The following HSPG2 variants were observed in gnomAD, a reference collection of about 807,000 sequenced individuals.
HSPG2 encodes heparan sulfate proteoglycan 2.
HSPG2 carries 278 observed loss-of-function variants against 526.6 expected under a neutral mutation model. That is an observed-to-expected ratio of 0.53 (90% CI 0.48 to 0.58). HSPG2 has a LOEUF of 0.58. Ranked by LOEUF, HSPG2 falls within the 20% of genes least tolerant of loss-of-function variation. The pLI, the probability that HSPG2 is intolerant of heterozygous loss-of-function variation, is 0.00. For synonymous variants in HSPG2, 2,465 were observed against 2,555.4 expected (o/e 0.96, Z 1.07); for missense variants, 5,354 against 6,099.5 (o/e 0.88, Z 4.07).
chr1:21,933,763 C>T (rs940118842), intron 1 of HSPG2, among the ~76,000 whole-genome samples: 1 of 152,258 alleles, frequency 6.6e-6, no homozygotes, highest in African/African-American at 2.4e-5. Flanking sequence ...CTCCTTCCCT[C>T]CGGGAATGTC....
At chr1:21,915,180 C>T (rs552614675) in intron 1 of HSPG2, among the ~76,000 whole-genome samples, 8 of 125,632 alleles carry the variant, frequency 6.4e-5, no homozygotes, top group Admixed American at 1.7e-4. Context: ...CTGATACGGG[C>T]GCGTTAGAGC....
Position 21,887,163 on chromosome 1 carries a change from C to CGGGGCAGGAGTGG in HSPG2, c.1078+51_1078+52insCCACTCCTGCCCC. ...GCAGGAGTGGAAGGCGGGGCAGGAG[C>CGGGGCAGGAGTGG]AAGCGGCCTGGGCAGGGCAAGGGGG... On this transcript the variant is annotated intron_variant, in intron 9 of 96. Coordinates refer to ENST00000374695, the MANE Select transcript of HSPG2 (RefSeq NM_005529.7). The surrounding 1 kb of genome is among the most constrained non-coding windows in gnomAD (Gnocchi z 5.0). The CGGGGCAGGAGTGG allele has an allele frequency of 1.4e-6, 2 of 1,462,838 alleles. No homozygotes were observed. Among genetic ancestry groups the CGGGGCAGGAGTGG allele is most frequent in the Non-Finnish European group, 1.9e-6 (2 of 1,066,674 alleles). The allele number at this position is 1,462,838 out of a possible 1,614,324, so 90.6% of individuals were successfully genotyped here.
rs376296977 is a variant in HSPG2 at position 21,887,363 on chromosome 1, T to C, written c.959-29A>G. 3 of 1,613,628 alleles carry C rather than the reference T, an allele frequency of 1.9e-6. No homozygotes were observed. The highest frequency in any genetic ancestry group is 2.5e-6 in the Non-Finnish European group (3 of 1,179,904). On this transcript the variant is annotated intron_variant, in intron 8 of 96. Transcript: ENST00000374695. The surrounding 1 kb of genome is among the most constrained non-coding windows in gnomAD (Gnocchi z 5.0). ...GGAGACCGGGCAGGGGTCAGCAGCA[T>C]CCTCCCGGGCCAGCTTCCTGCTCCC...
intron 91 of HSPG2, among the ~76,000 whole-genome samples, chr1:21,826,224 C>T (rs1341186058): frequency 1.3e-5 from 2 of 152,078 alleles, no homozygotes; most frequent in Admixed American, 6.6e-5. Context: ...CATGTGCCAC[C>T]ACACCCAGCT....
intron 1 of HSPG2, among the ~76,000 whole-genome samples, chr1:21,917,223 A>G (rs1367727828): frequency 1.3e-5 from 2 of 151,838 alleles, no homozygotes; most frequent in Non-Finnish European, 2.9e-5. Context: ...CTTGAGCCCA[A>G]GAAGTTTGGG....
In HSPG2 at chr1:21,854,844, G is replaced by A. The variant is rs368671551; in HGVS notation, c.6133+4C>T. 1,656 of 1,613,724 alleles carry A rather than the reference G, an allele frequency of 1.0e-3. 38 individuals carry two copies. The South Asian group carries it at 0.017, about 17-fold the overall frequency. Reference sequence around the variant, plus strand: ...CCACCCCTCCATTCCCAGAGAGTCCGTACCTGAAAGGACAACCACTTGGAT... The same window carrying A: ...CCACCCCTCCATTCCCAGAGAGTCCATACCTGAAAGGACAACCACTTGGAT... On this transcript the variant is annotated splice_donor_region_variant and intron_variant, in intron 48 of 96. Coordinates refer to ENST00000374695, the MANE Select transcript of HSPG2 (RefSeq NM_005529.7).
Position 21,822,449 on chromosome 1 carries a change from C to G in HSPG2, c.*867G>C. 1 of 564,878 alleles carries G rather than the reference C, an allele frequency of 1.8e-6. No homozygotes were observed. Among genetic ancestry groups the G allele is most frequent in the Non-Finnish European group, 3.2e-6 (1 of 314,120 alleles). The allele number at this position is 564,878 out of a possible 1,614,324, so 35.0% of individuals were successfully genotyped here. A position where few individuals can be genotyped will look rare whatever the true frequency, so the allele number is the denominator to read the frequency against. ...TCTCTCAGTCGTGAGTCCTGCCTTC[C>G]CCCACCTAAGGCACTAGCTCTTCCT... is the stretch of plus-strand genomic sequence containing the variant. On this transcript the variant is annotated 3_prime_UTR_variant, in exon 97 of 97. Coordinates refer to ENST00000374695, the MANE Select transcript of HSPG2 (RefSeq NM_005529.7).
intron 1 of HSPG2, among the ~76,000 whole-genome samples, chr1:21,903,709 G>A (rs1385770546): frequency 3.3e-5 from 5 of 152,188 alleles, no homozygotes; most frequent in African/African-American, 9.7e-5. Flanking sequence ...GGAATGAGGC[G>A]GTGATCTCTT....
intron 78 of HSPG2, 96 bp from the exon 79 acceptor site, chr1:21,833,710 C>T (rs953780854): frequency 5.7e-6 from 9 of 1,579,692 alleles, no homozygotes; most frequent in Middle Eastern, 1.8e-4. Flanking sequence ...CAACATTGAG[C>T]GTTTGCTCTT....
At chr1:21,889,745 T>C in intron 6 of HSPG2, 1 of 576,810 alleles carries the variant, frequency 1.7e-6, no homozygotes, top group Non-Finnish European at 3.2e-6. Context: ...CTATTGTCAA[T>C]GTGCAGAGGT....
intron 29 of HSPG2, among the ~76,000 whole-genome samples, chr1:21,873,700 G>T (rs1640830295): frequency 6.6e-6 from 1 of 152,208 alleles, no homozygotes; most frequent in African/African-American, 2.4e-5. Flanking sequence ...GGGGCCAGGG[G>T]GCTGAAGGTG....
intron 1 of HSPG2, among the ~76,000 whole-genome samples, chr1:21,911,841 G>A (rs534890203): frequency 3.3e-5 from 5 of 152,274 alleles, no homozygotes; most frequent in African/African-American, 1.2e-4. Context: ...CTCCCAGTTC[G>A]GTGCCAAGCC....
chr1:21,902,353 G>A lies in HSPG2; in HGVS notation c.64-6043C>T, dbSNP rs571337422. On this transcript the variant is annotated intron_variant, in intron 1 of 96. Transcript: ENST00000374695. ...CCAGTCAGCCAGGAGAAATACGGAC[G>A]CCCCCAAACAAGGAGAGGGTCCAAC... Among the ~76,000 whole-genome samples, 7 of 152,250 alleles carry A rather than the reference G, an allele frequency of 4.6e-5. No individual in the cohort carries two copies. The East Asian group carries it at 7.7e-4, about 17-fold the overall frequency.
intron 13 of HSPG2, 70 bp from the exon 14 acceptor site, chr1:21,881,572 G>T (rs977128507): frequency 6.0e-6 from 8 of 1,343,986 alleles, no homozygotes; most frequent in Admixed American, 3.5e-5. Context: ...TTGAGGGGCA[G>T]CAATCCAGAA....
intron 69 of HSPG2, 87 bp from the exon 70 acceptor site, chr1:21,841,760 CT>C: frequency 6.5e-7 from 1 of 1,535,148 alleles, no homozygotes. Context: ...CCTGGGCCCA[CT>C]TCCCCAATCC....
At position 21,887,924 on chromosome 1, in the gene HSPG2, G is replaced by A. The variant is rs745892720; in HGVS notation, c.703+14C>T. 24 of 1,613,808 alleles carry A rather than the reference G, an allele frequency of 1.5e-5. No individual in the cohort carries two copies. Among genetic ancestry groups the A allele is most frequent in the Admixed American group, 6.7e-5 (4 of 59,990 alleles). On this transcript the variant is annotated intron_variant, in intron 7 of 96. Transcript: ENST00000374695. The surrounding 1 kb of genome is among the most constrained non-coding windows in gnomAD (Gnocchi z 5.0). ...TGGCACCCAAACCACTCGTGGCCCC[G>A]GACATCCCCTCACCACAATTGAGCT...
In HSPG2 at chr1:21,842,000, A is replaced by G; in HGVS notation, c.9193+2T>C. The G allele has an allele frequency of 6.2e-7, 1 of 1,612,930 alleles. No homozygotes were observed. Among genetic ancestry groups the G allele is most frequent in the Non-Finnish European group, 8.5e-7 (1 of 1,179,952 alleles). Reference sequence around the variant, plus strand: ...GCCCACCTGCCCACCAGCCTGGCTCACCCTCCAGCTCCTGGTTCCGGGTCT... The same window carrying G: ...GCCCACCTGCCCACCAGCCTGGCTCGCCCTCCAGCTCCTGGTTCCGGGTCT... On this transcript the variant is annotated splice_donor_variant, in intron 69 of 96. Coordinates refer to ENST00000374695, the MANE Select transcript of HSPG2 (RefSeq NM_005529.7). LOFTEE classifies it high-confidence loss of function.
rs999566924 is a variant in HSPG2 at position 21,887,314 on chromosome 1, G to C, written c.979C>G (p.Pro327Ala). ...CCATTCCCGCAGGGGAACTCGTTGGGCTCACAGGGTGGCGGGGGGCCTAGG... is the reference window on the plus strand; with the variant it reads ...CCATTCCCGCAGGGGAACTCGTTGGCCTCACAGGGTGGCGGGGGGCCTAGG... ...LDCGPPPPCE[P>A]NEFPCGNGHC... is the part of the protein sequence containing the mutation. The change falls in exon 9 of 97, where the codon CCC becomes GCC. Residue 327 changes from proline (P) to alanine (A), a missense_variant. Coordinates refer to ENST00000374695, the MANE Select transcript of HSPG2 (RefSeq NM_005529.7). The surrounding 1 kb of genome is among the most constrained non-coding windows in gnomAD (Gnocchi z 5.0). 2.5e-6 allele frequency: 4 copies of C among 1,613,948 alleles called. No homozygotes were observed. The Admixed American group carries it at 5.0e-5, about 20-fold the overall frequency.
In HSPG2 at chr1:21,847,961, G is replaced by C; in HGVS notation, c.7870C>G (p.His2624Asp). ...CCCCTGCCCTCTCTGCTCTCACCGT[G>C]GGAGGAACCGCTGCCCTGGATGGTG... is the stretch of plus-strand genomic sequence containing the variant. ...IVTIQGSGSS[H>D]VPSVSPPIRI... Residue 2624 changes from histidine (H) to aspartate (D), a missense_variant, in exon 60 of 97, where the codon CAC (histidine) becomes GAC (aspartate). By Grantham distance (81) the His-to-Asp change is moderately conservative. Transcript: ENST00000374695. This position sits in a 1 kb window ranked among gnomAD's most constrained non-coding sequence, Gnocchi z 4.1. 6.2e-7 allele frequency: 1 copy of C among 1,613,834 alleles called. No homozygotes were observed. The highest frequency in any genetic ancestry group is 8.5e-7 in the Non-Finnish European group (1 of 1,180,028).
Sources: allele counts gnomAD v4.1 joint callset (sites outside exome capture counted in the v4.1 genomes callset), GRCh38; gene constraint gnomAD v4.1.1; non-coding constraint Gnocchi (gnomAD v3.1); transcripts MANE v1.5; gene names NCBI Gene and HGNC (gene_info 2026-07-23, HGNC 2026-07-21).